Variants in LYPD6 observed in about 807,000 individuals in gnomAD.
The protein encoded by LYPD6 is ly6/PLAUR domain-containing protein 6.
In LYPD6, 15 loss-of-function variants were observed where a neutral mutation model predicts 22.7. The ratio of observed to expected loss-of-function variants is 0.66; its 90% confidence interval spans 0.44 to 1.02. The LOEUF (loss-of-function observed/expected upper bound fraction) is 1.02, where lower values mean the gene tolerates loss of function less well. LYPD6 is among the 50% of genes least tolerant of loss of function. The pLI is 0.00. For synonymous variants in LYPD6, 72 were observed against 77.5 expected, an observed-to-expected ratio of 0.93 and a Z score of 0.37; for missense variants, 189 against 208.4, an observed-to-expected ratio of 0.91 and a Z score of 0.57.
intron 1 of LYPD6, among the ~76,000 whole-genome samples, chr2:149,387,280 A>G (rs1224876244): frequency 1.3e-5 from 2 of 152,146 alleles, no homozygotes; most frequent in East Asian, 1.9e-4. Context: ...TGAGAAAGAA[A>G]ATGTTTTAGT....
At chr2:149,437,858 A>T in intron 2 of LYPD6, 32 bp downstream of exon 2, 1 of 1,608,284 alleles carries the variant, frequency 6.2e-7, no homozygotes. Context: ...CAGAAATATC[A>T]CTTTATTTCA....
intron 1 of LYPD6, among the ~76,000 whole-genome samples, chr2:149,340,101 C>T (rs1023698433): frequency 1.3e-5 from 2 of 152,090 alleles, no homozygotes; most frequent in Non-Finnish European, 2.9e-5. Context: ...TATATTTAAG[C>T]ATTCCAGGTG....
At chr2:149,379,046 A>C (rs1402050547) in intron 1 of LYPD6, among the ~76,000 whole-genome samples, 1 of 152,324 alleles carries the variant, frequency 6.6e-6, no homozygotes, top group Middle Eastern at 3.4e-3. Context: ...GAAGTTATGA[A>C]TTCACCGAAT....
chr2:149,388,614 C>CT (rs1416694833), intron 1 of LYPD6, among the ~76,000 whole-genome samples: 7 of 151,790 alleles, frequency 4.6e-5, no homozygotes, highest in Non-Finnish European at 8.8e-5. Context: ...CACAACTCCA[C>CT]TAGGGGGATG....
chr2:149,393,019 C>T (rs922366159), intron 1 of LYPD6, among the ~76,000 whole-genome samples: 1 of 152,190 alleles, frequency 6.6e-6, no homozygotes. Flanking sequence ...GAGCGAGACT[C>T]CATCTCACAA....
At chr2:149,464,125 AAAC>A in intron 3 of LYPD6, 1 of 421,060 alleles carries the variant, frequency 2.4e-6, no homozygotes, top group South Asian at 1.8e-5. Context: ...AAAAAAAAAA[AAAC>A]AGTTTAAACA....
At chr2:149,412,534 C>T (rs1320269445) in intron 1 of LYPD6, among the ~76,000 whole-genome samples, 2 of 151,878 alleles carry the variant, frequency 1.3e-5, no homozygotes, top group Non-Finnish European at 2.9e-5. Flanking sequence ...GAGTCTGTTT[C>T]TCAACTCTTA....
chr2:149,410,778 C>G (rs1156509076), intron 1 of LYPD6, among the ~76,000 whole-genome samples: 1 of 152,162 alleles, frequency 6.6e-6, no homozygotes, highest in African/African-American at 2.4e-5. Context: ...GAGCTCTTGT[C>G]TAAGCCCTAT....
intron 1 of LYPD6, among the ~76,000 whole-genome samples, chr2:149,372,829 A>G (rs1681840264): frequency 6.6e-6 from 1 of 152,248 alleles, no homozygotes; most frequent in Admixed American, 6.5e-5. Flanking sequence ...ACACAGGAGC[A>G]TACAAATGTA....
intron 3 of LYPD6, among the ~76,000 whole-genome samples, chr2:149,461,010 A>C (rs1661356120): frequency 6.6e-6 from 1 of 152,092 alleles, no homozygotes; most frequent in Non-Finnish European, 1.5e-5. Flanking sequence ...CACTATATGC[A>C]CATATTTAAA....
chr2:149,480,796 T>G, the LYPD6 span, among the ~76,000 whole-genome samples: 4 of 152,296 alleles, frequency 2.6e-5, no homozygotes, highest in South Asian at 8.3e-4. Flanking sequence ...TGAAGAGAGT[T>G]GCCTCACCCA....
At chr2:149,345,826 T>C (rs1406490050) in intron 1 of LYPD6, among the ~76,000 whole-genome samples, 1 of 152,212 alleles carries the variant, frequency 6.6e-6, no homozygotes, top group Non-Finnish European at 1.5e-5. Context: ...CTCAAATATA[T>C]AAAAGATATA....
At chr2:149,371,451 T>C (rs531498477) in intron 1 of LYPD6, among the ~76,000 whole-genome samples, 1 of 152,312 alleles carries the variant, frequency 6.6e-6, no homozygotes, top group African/African-American at 2.4e-5. Flanking sequence ...TCTAAAGCAG[T>C]ATTTTTTCCT....
intron 1 of LYPD6, among the ~76,000 whole-genome samples, chr2:149,395,102 A>T (rs1397725630): frequency 3.4e-5 from 5 of 145,078 alleles, no homozygotes; most frequent in Admixed American, 2.8e-4. Context: ...GAGACCAACC[A>T]TTTTTTTTTT....
intron 1 of LYPD6, among the ~76,000 whole-genome samples, chr2:149,415,187 G>A (rs930141643): frequency 1.1e-4 from 17 of 152,170 alleles, no homozygotes; most frequent in Admixed American, 4.6e-4. Flanking sequence ...ACAACTTGGT[G>A]TAGGATGTGG....
chr2:149,418,220 A>T (rs1683005682), intron 1 of LYPD6, among the ~76,000 whole-genome samples: 1 of 152,210 alleles, frequency 6.6e-6, no homozygotes, highest in African/African-American at 2.4e-5. Flanking sequence ...ATTTCCAGGC[A>T]ATATGGAAAT....
chr2:149,343,869 A>T (rs1681206217), intron 1 of LYPD6, among the ~76,000 whole-genome samples: 1 of 152,126 alleles, frequency 6.6e-6, no homozygotes, highest in African/African-American at 2.4e-5. Context: ...AAGGAAAAAC[A>T]CTGGTTCTGT....
chr2:149,362,835 A>T (rs539920603), intron 1 of LYPD6, among the ~76,000 whole-genome samples: 1 of 152,218 alleles, frequency 6.6e-6, no homozygotes, highest in East Asian at 1.9e-4. Context: ...ACCTCTCAAC[A>T]CTGTTGCATG....
intron 3 of LYPD6, among the ~76,000 whole-genome samples, chr2:149,454,027 A>C (rs1488343201): frequency 1.3e-5 from 2 of 152,222 alleles, no homozygotes; most frequent in East Asian, 3.8e-4. Context: ...ATTCATTTGT[A>C]ATTTACAAAA....
Sources: allele counts gnomAD v4.1 joint callset (sites outside exome capture counted in the v4.1 genomes callset), GRCh38; gene constraint gnomAD v4.1.1; transcripts MANE v1.5; gene names NCBI Gene and HGNC (gene_info 2026-07-23, HGNC 2026-07-21).